The following SLC25A26 variants were observed in gnomAD, a reference collection of about 807,000 sequenced individuals.
The protein encoded by SLC25A26 is solute carrier family 25 member 26, also known as mitochondrial S-adenosylmethionine carrier protein.
SLC25A26 carries 36 observed loss-of-function variants against 37.8 expected under a neutral mutation model. The ratio of observed to expected loss-of-function variants is 0.95; its 90% confidence interval spans 0.73 to 1.26. The LOEUF is 1.26. Among genes scored for constraint, SLC25A26 ranks in the 50% most tolerant of loss-of-function variants. The probability of loss-of-function intolerance (pLI) is 0.00; values close to 1 mark genes in which losing one functional copy is unlikely to be tolerated. For missense variants in SLC25A26, 390 were observed against 331.1 expected (o/e 1.18, Z -1.38); for synonymous variants, 129 against 122.5 (o/e 1.05, Z -0.35).
At chr3:66,286,908 C>G (rs2074530870) in intron 5 of SLC25A26, among the ~76,000 whole-genome samples, 1 of 152,052 alleles carries the variant, frequency 6.6e-6, no homozygotes. Context: ...TGTGATCTGC[C>G]CAACACAGCC....
chr3:66,249,227 C>G (rs1044065103), intron 3 of SLC25A26, among the ~76,000 whole-genome samples: 1 of 88,466 alleles, frequency 1.1e-5, no homozygotes, highest in African/African-American at 6.3e-5. Context: ...AGGTTTTCTC[C>G]AAGGCCCATG....
intron 5 of SLC25A26, among the ~76,000 whole-genome samples, chr3:66,266,206 G>C (rs1045152480): frequency 6.6e-6 from 1 of 152,148 alleles, no homozygotes; most frequent in African/African-American, 2.4e-5. Context: ...CTTTTGTACA[G>C]ATTCTGTGAT....
chr3:66,340,190 T>G (rs190728554), intron 5 of SLC25A26, among the ~76,000 whole-genome samples: 1 of 152,214 alleles, frequency 6.6e-6, no homozygotes, highest in African/African-American at 2.4e-5. Flanking sequence ...TCTGGGCTGT[T>G]TTATTTCACT....
intron 1 of SLC25A26, among the ~76,000 whole-genome samples, chr3:66,186,007 C>A (rs1342001969): frequency 6.6e-6 from 1 of 151,996 alleles, no homozygotes; most frequent in African/African-American, 2.4e-5. Flanking sequence ...TGACCCTCAC[C>A]ATGACCCTGT....
chr3:66,229,074 G>A (rs1254321622), intron 1 of SLC25A26, among the ~76,000 whole-genome samples: 4 of 152,110 alleles, frequency 2.6e-5, no homozygotes, highest in South Asian at 2.1e-4. Flanking sequence ...AGGCTTTTGC[G>A]TGGTTTTTAG....
intron 6 of SLC25A26, among the ~76,000 whole-genome samples, chr3:66,358,139 T>G (rs2076618656): frequency 6.6e-6 from 1 of 152,226 alleles, no homozygotes; most frequent in Non-Finnish European, 1.5e-5. Context: ...TTCCTGTGAG[T>G]AATGTCTTCC....
chr3:66,233,593 A>G (rs2072133797), intron 1 of SLC25A26, among the ~76,000 whole-genome samples: 1 of 152,232 alleles, frequency 6.6e-6, no homozygotes, highest in Non-Finnish European at 1.5e-5. Context: ...ATACAAAACA[A>G]TATTGATATA....
intron 1 of SLC25A26, among the ~76,000 whole-genome samples, chr3:66,184,445 C>T (rs1456750603): frequency 2.0e-5 from 3 of 152,126 alleles, no homozygotes; most frequent in Non-Finnish European, 4.4e-5. Flanking sequence ...TGACCCTTAT[C>T]CTTGTCCTGA....
At chr3:66,210,604 T>G (rs1269772525) in intron 1 of SLC25A26, among the ~76,000 whole-genome samples, 1 of 152,014 alleles carries the variant, frequency 6.6e-6, no homozygotes, top group Non-Finnish European at 1.5e-5. Context: ...AGCCTTGACC[T>G]CCAGCTCAAG....
At chr3:66,360,019 A>G (rs199910102) in intron 6 of SLC25A26, among the ~76,000 whole-genome samples, 262 of 152,312 alleles carry the variant, frequency 1.7e-3, no homozygotes, top group Non-Finnish European at 2.7e-3. Context: ...ACGCTGTCAC[A>G]TATTTAATTT....
chr3:66,305,028 A>C (rs1291778373), intron 5 of SLC25A26, among the ~76,000 whole-genome samples: 1 of 152,184 alleles, frequency 6.6e-6, no homozygotes, highest in African/African-American at 2.4e-5. Context: ...CTTTATTAGC[A>C]ACTGACAGTT....
chr3:66,363,478 G>A (rs764038558), intron 7 of SLC25A26, among the ~76,000 whole-genome samples: 15 of 152,218 alleles, frequency 9.9e-5, no homozygotes, highest in Admixed American at 6.5e-5. Flanking sequence ...AAGCAAGAGC[G>A]AGGTGACAAT....
intron 5 of SLC25A26, among the ~76,000 whole-genome samples, chr3:66,342,468 T>C (rs1205882525): frequency 1.3e-5 from 2 of 152,220 alleles, no homozygotes; most frequent in African/African-American, 4.8e-5. Flanking sequence ...TAGGGCTAAA[T>C]GATACCTTAG....
chr3:66,203,462 T>C (rs1179874227), intron 1 of SLC25A26, among the ~76,000 whole-genome samples: 17 of 151,826 alleles, frequency 1.1e-4, no homozygotes, highest in African/African-American at 4.1e-4. Flanking sequence ...AAAGAAAAAA[T>C]ACAAAAACTG....
rs148705449 is a variant in SLC25A26 at position 66,282,464 on chromosome 3, C to T, written c.453+19085C>T. On this transcript the variant is annotated intron_variant, in intron 5 of 9. Transcript: ENST00000354883. Reference sequence around the variant, plus strand: ...CCAGGCCCCCATTAGTCTTTGAGAACCTCCTTGCTGGTGTAGCAAGGTATC... The same window carrying T: ...CCAGGCCCCCATTAGTCTTTGAGAATCTCCTTGCTGGTGTAGCAAGGTATC... 3.3e-5 allele frequency among the ~76,000 whole-genome samples: 5 copies of T among 152,204 alleles called. No homozygotes were observed. In the East Asian group the frequency reaches 9.7e-4, roughly 30 times the overall value.
At chr3:66,287,437 A>AG (rs2107487642) in intron 5 of SLC25A26, among the ~76,000 whole-genome samples, 1 of 151,992 alleles carries the variant, frequency 6.6e-6, no homozygotes, top group South Asian at 2.1e-4. Flanking sequence ...GGTATCTTTC[A>AG]CTTTTTTTCT....
chr3:66,345,591 C>CT (rs2076302633), intron 5 of SLC25A26, among the ~76,000 whole-genome samples: 1 of 150,626 alleles, frequency 6.6e-6, no homozygotes, highest in African/African-American at 2.4e-5. Context: ...CCTTTTCTTC[C>CT]ACTCCTTTCT....
intron 1 of SLC25A26, among the ~76,000 whole-genome samples, chr3:66,173,314 A>G (rs569084652): frequency 6.6e-6 from 1 of 152,254 alleles, no homozygotes; most frequent in East Asian, 1.9e-4. Flanking sequence ...GGTCAGCTCT[A>G]ATGGTATAAT....
intron 5 of SLC25A26, among the ~76,000 whole-genome samples, chr3:66,308,925 G>T (rs1236471303): frequency 6.6e-6 from 1 of 152,182 alleles, no homozygotes; most frequent in African/African-American, 2.4e-5. Context: ...TGTGCTGCTG[G>T]ATTCGGTTTG....
Sources: gnomAD v4.1 joint callset for allele counts (sites outside exome capture counted in the v4.1 genomes callset) on GRCh38, gnomAD v4.1.1 for gene constraint, MANE v1.5 for transcripts, NCBI Gene and HGNC (gene_info 2026-07-23, HGNC 2026-07-21) for gene names.